The following MYO5A variants were observed in gnomAD, a reference collection of about 807,000 sequenced individuals.
The protein encoded by MYO5A is myosin VA, also known as unconventional myosin-Va.
MYO5A carries 98 observed loss-of-function variants against 249.7 expected under a neutral mutation model. The observed-to-expected ratio is 0.39, with a 90% CI of 0.33 to 0.46. The LOEUF is 0.46. MYO5A is among the 20% of genes least tolerant of loss of function. The probability of loss-of-function intolerance (pLI) is 0.98; values close to 1 mark genes in which losing one functional copy is unlikely to be tolerated. For synonymous variants in MYO5A, 778 were observed against 810.6 expected, an observed-to-expected ratio of 0.96 and a Z score of 0.68; for missense variants, 1,696 against 2,308.8, an observed-to-expected ratio of 0.73 and a Z score of 5.44.
chr15:52,321,874 T>C (rs1055587026), intron 37 of MYO5A, among the ~76,000 whole-genome samples: 6 of 151,836 alleles, frequency 4.0e-5, no homozygotes, highest in Non-Finnish European at 7.4e-5. Flanking sequence ...TTATCTAAAT[T>C]ATCTCTTAAC....
intron 1 of MYO5A, among the ~76,000 whole-genome samples, chr15:52,491,879 T>C (rs1355759588): frequency 6.6e-6 from 1 of 152,092 alleles, no homozygotes; most frequent in Non-Finnish European, 1.5e-5. Context: ...GGAAAAATGA[T>C]CCAGTTTTTT....
intron 38 of MYO5A, among the ~76,000 whole-genome samples, chr15:52,319,631 T>A (rs1284332294): frequency 6.6e-6 from 1 of 152,072 alleles, no homozygotes; most frequent in Non-Finnish European, 1.5e-5. Flanking sequence ...CTCAGAAGGC[T>A]GAGGCAGGAC....
chr15:52,399,316 G>A (rs1021018108), intron 9 of MYO5A, among the ~76,000 whole-genome samples: 1 of 152,140 alleles, frequency 6.6e-6, no homozygotes, highest in Non-Finnish European at 1.5e-5. Flanking sequence ...GTTCTCTTCA[G>A]AGATGAGATT....
Position 52,410,316 on chromosome 15 carries a change from G to A in MYO5A, c.756+17C>T, listed in dbSNP as rs2043195220. ...AGCAATCTAACACAAGTGCATATGT[G>A]TATATGGCCAGCTTACCTGGAATAC... On this transcript the variant is annotated intron_variant, in intron 6 of 41. Transcript: ENST00000399233. The A allele has an allele frequency of 6.2e-7, 1 of 1,610,168 alleles. No homozygotes were observed.
chr15:52,465,820 C>A (rs1320789973), intron 1 of MYO5A, among the ~76,000 whole-genome samples: 1 of 152,042 alleles, frequency 6.6e-6, no homozygotes, highest in Non-Finnish European at 1.5e-5. Context: ...TGTAGACAAT[C>A]ATACTTTGAA....
At chr15:52,469,302 C>A (rs1366725541) in intron 1 of MYO5A, among the ~76,000 whole-genome samples, 1 of 152,132 alleles carries the variant, frequency 6.6e-6, no homozygotes, top group Non-Finnish European at 1.5e-5. Flanking sequence ...ATAACATAAA[C>A]AGTTGATTAA....
chr15:52,461,561 G>T (rs2076248459), intron 1 of MYO5A, among the ~76,000 whole-genome samples: 2 of 152,178 alleles, frequency 1.3e-5, no homozygotes, highest in South Asian at 4.1e-4. Context: ...ACATGAGTAA[G>T]CATGAAGGGG....
intron 9 of MYO5A, among the ~76,000 whole-genome samples, chr15:52,402,090 G>A (rs1193726997): frequency 2.0e-5 from 3 of 152,206 alleles, no homozygotes; most frequent in Non-Finnish European, 4.4e-5. Flanking sequence ...GGCCTAGACT[G>A]AAGGTGGGTC....
At chr15:52,424,405 T>C (rs555560754) in intron 4 of MYO5A, among the ~76,000 whole-genome samples, 2 of 152,304 alleles carry the variant, frequency 1.3e-5, no homozygotes, top group Admixed American at 1.3e-4. Context: ...TTTTTCTCAT[T>C]TGTAAAATGA....
chr15:52,317,306 A>G, intron 39 of MYO5A, 84 bp from the exon 40 acceptor site: 3 of 1,336,844 alleles, frequency 2.2e-6, no homozygotes, highest in Non-Finnish European at 3.1e-6. Context: ...CGGCCTTGTC[A>G]GGATTTATGT....
At chr15:52,395,633 T>G (rs1262522931) in intron 11 of MYO5A, among the ~76,000 whole-genome samples, 1 of 152,102 alleles carries the variant, frequency 6.6e-6, no homozygotes, top group Non-Finnish European at 1.5e-5. Context: ...TTATCTCCAT[T>G]TTACAGATGA....
At chr15:52,330,694 A>T (rs938169831) in intron 34 of MYO5A, among the ~76,000 whole-genome samples, 195 bp from the exon 35 acceptor site, 13 of 152,156 alleles carry the variant, frequency 8.5e-5, no homozygotes, top group Non-Finnish European at 1.5e-4. Context: ...TGGTCATCTT[A>T]CTCTGAAAGC....
intron 39 of MYO5A, 65 bp downstream of exon 39, chr15:52,318,995 C>T: frequency 6.3e-7 from 1 of 1,585,510 alleles, no homozygotes; most frequent in Non-Finnish European, 8.6e-7. Flanking sequence ...CATCAGCTCT[C>T]CACAACCCTG....
chr15:52,414,821 A>T (rs2043405647), intron 5 of MYO5A, among the ~76,000 whole-genome samples: 1 of 152,238 alleles, frequency 6.6e-6, no homozygotes, highest in Admixed American at 6.5e-5. Context: ...GACATCCAGC[A>T]GTGTATCTGT....
chr15:52,451,195 C>T lies in MYO5A; in HGVS notation c.28-17910G>A, dbSNP rs753257562. Among the ~76,000 whole-genome samples the T allele has an allele frequency of 5.1e-4, 78 of 152,228 alleles. 1 individual carries two copies. The highest frequency in any genetic ancestry group is 2.5e-3 in the South Asian group (12 of 4,828). On this transcript the variant is annotated intron_variant, in intron 1 of 41. Coordinates refer to ENST00000399233, the MANE Select transcript of MYO5A (RefSeq NM_001382347.1). Reference sequence around the variant, plus strand: ...TTCCCATCTCAGACAGGCACCTCTACGCAGATAGTTGCTCCTGGGAAAAAA... The same window carrying T: ...TTCCCATCTCAGACAGGCACCTCTATGCAGATAGTTGCTCCTGGGAAAAAA...
At position 52,353,475 on chromosome 15, in the gene MYO5A, T is replaced by G. The variant is rs1335782883; in HGVS notation, c.3621+130A>C. 3 of 778,508 alleles carry G rather than the reference T, an allele frequency of 3.9e-6. No homozygotes were observed. The East Asian group carries it at 7.5e-5, about 19-fold the overall frequency. 48.2% of individuals were successfully genotyped at this position (778,508 alleles called of 1,614,324 possible). A position where few individuals can be genotyped will look rare whatever the true frequency, so the allele number is the denominator to read the frequency against. On this transcript the variant is annotated intron_variant, in intron 27 of 41. Transcript: ENST00000399233. ...AAACAACACAAGAAGTAATGCTGAA[T>G]AAGGCTGAAGCTAGGACCTCTGGTG...
intron 1 of MYO5A, among the ~76,000 whole-genome samples, chr15:52,489,023 G>A (rs1229572465): frequency 6.6e-6 from 1 of 152,124 alleles, no homozygotes; most frequent in African/African-American, 2.4e-5. Flanking sequence ...CTTCTACATG[G>A]CGTGTACATG....
intron 22 of MYO5A, among the ~76,000 whole-genome samples, chr15:52,367,968 A>G (rs1343410592): frequency 6.6e-6 from 1 of 152,136 alleles, no homozygotes; most frequent in African/African-American, 2.4e-5. Flanking sequence ...CCAGGAAGGA[A>G]AAGTTAAAAC....
At chr15:52,455,522 G>A (rs2076100041) in intron 1 of MYO5A, among the ~76,000 whole-genome samples, 1 of 151,842 alleles carries the variant, frequency 6.6e-6, no homozygotes, top group Non-Finnish European at 1.5e-5. Flanking sequence ...AAAACTACAG[G>A]CTAATATCAC....
Sources: allele counts gnomAD v4.1 joint callset (sites outside exome capture counted in the v4.1 genomes callset), GRCh38; gene constraint gnomAD v4.1.1; transcripts MANE v1.5; gene names NCBI Gene and HGNC (gene_info 2026-07-23, HGNC 2026-07-21).